Variants in TRMO observed in about 807,000 individuals in gnomAD.
The protein encoded by TRMO is tRNA methyltransferase O, also known as tRNA (adenine(37)-N6)-methyltransferase.
A neutral mutation model predicts 37.2 loss-of-function variants in TRMO; 30 were observed. The ratio of observed to expected loss-of-function variants is 0.81; its 90% CI spans 0.60 to 1.09. The LOEUF (loss-of-function observed/expected upper bound fraction) is 1.09, where lower values mean the gene tolerates loss of function less well. Ranked by LOEUF, TRMO falls within the 50% of genes least tolerant of loss-of-function variation. TRMO has a pLI of 0.00. For synonymous variants in TRMO, 239 were observed against 199.4 expected (o/e 1.20, Z -1.67); for missense variants, 552 against 549.5 (o/e 1.00, Z -0.05).
intron 1 of TRMO, among the ~76,000 whole-genome samples, chr9:97,917,180 G>A (rs927841884): frequency 6.6e-6 from 1 of 152,190 alleles, no homozygotes; most frequent in Non-Finnish European, 1.5e-5. Flanking sequence ...ATTTTGATTG[G>A]CTGGAGTATG....
chr9:97,920,981 T>C (rs1224483172), intron 1 of TRMO, among the ~76,000 whole-genome samples: 2 of 152,258 alleles, frequency 1.3e-5, no homozygotes, highest in African/African-American at 4.8e-5. Context: ...CACTTTAGAC[T>C]TCTAGCTCCC....
At chr9:97,901,578 G>A (rs1831170123), downstream of TRMO, among the ~76,000 whole-genome samples, 4 of 152,158 alleles carry the variant, frequency 2.6e-5, no homozygotes, top group South Asian at 6.2e-4. Flanking sequence ...ATGCGTGTGT[G>A]TACATGCACG....
downstream of TRMO, among the ~76,000 whole-genome samples, chr9:97,899,937 C>G (rs981243983): frequency 6.6e-6 from 1 of 151,928 alleles, no homozygotes; most frequent in African/African-American, 2.4e-5. Context: ...GGCATGGTGG[C>G]AAACAGTTAC....
chr9:97,896,991 C>A, the TRMO span, among the ~76,000 whole-genome samples: 1 of 152,166 alleles, frequency 6.6e-6, no homozygotes, highest in Non-Finnish European at 1.5e-5. Flanking sequence ...CCCAGAGAAC[C>A]CACCCCAAGG....
chr9:97,902,178 C>A (rs962675525), downstream of TRMO, among the ~76,000 whole-genome samples: 1 of 152,196 alleles, frequency 6.6e-6, no homozygotes, highest in African/African-American at 2.4e-5. Flanking sequence ...GAATAAGCTG[C>A]ACAGGTCAGG....
intron 2 of TRMO, among the ~76,000 whole-genome samples, chr9:97,915,039 A>G (rs1187221452): frequency 6.6e-6 from 1 of 152,214 alleles, no homozygotes; most frequent in Admixed American, 6.5e-5. Flanking sequence ...TTTTCTTTCT[A>G]ATCTACTCTT....
intron 4 of TRMO, among the ~76,000 whole-genome samples, chr9:97,908,349 T>C (rs1021969094): frequency 6.7e-6 from 1 of 149,700 alleles, no homozygotes; most frequent in Non-Finnish European, 1.5e-5. Flanking sequence ...GAGGCGGAGC[T>C]TGCAGTGAGC....
intron 1 of TRMO, 49 bp downstream of exon 1, chr9:97,922,369 C>G (rs1483781233): frequency 2.3e-6 from 3 of 1,313,776 alleles, no homozygotes; most frequent in Non-Finnish European, 3.2e-6. Context: ...AGTCCGCTGC[C>G]TGGGCCTAAA....
chr9:97,906,836 C>T (rs1208284498), intron 4 of TRMO, among the ~76,000 whole-genome samples: 2 of 80,630 alleles, frequency 2.5e-5, no homozygotes, highest in Admixed American at 1.3e-4. Flanking sequence ...AGTAAGACTC[C>T]GTCTCAAAAA....
In TRMO at chr9:97,904,967, A is replaced by G. The variant is rs372836884; in HGVS notation, c.1092T>C (p.Tyr364=). 1.9e-6 allele frequency: 3 copies of G among 1,613,822 alleles called. No homozygotes were observed. Among genetic ancestry groups the G allele is most frequent in the Non-Finnish European group, 2.5e-6 (3 of 1,179,688 alleles). Residue 364 remains tyrosine (Y), a synonymous_variant, in exon 5 of 5, where the codon TAT becomes TAC. Transcript: ENST00000375119. ...GCTTTGCTTCCTCTGCTGACTGAAA[A>G]TATTTAAATGACGCCTGACCAACAT... is the stretch of plus-strand genomic sequence containing the variant. ...SQDVGQASFK[Y]FQSAEEAKRA...
chr9:97,916,338 C>T lies in TRMO; in HGVS notation c.77G>A (p.Gly26Glu). The part of the protein sequence containing the change: ...CGCVKPALET[G>E]NLLTEPVGYL... ...GCCGACTGGCTCAGTTAAAAGATTCCCTACAGGAGAAAATTAGGTAAAAAG... is the reference window on the plus strand; with the variant it reads ...GCCGACTGGCTCAGTTAAAAGATTCTCTACAGGAGAAAATTAGGTAAAAAG... Residue 26 changes from glycine to glutamate, a missense_variant and splice_region_variant, in exon 2 of 5, where the codon GGG becomes GAG. Coordinates refer to ENST00000375119, the MANE Select transcript of TRMO (RefSeq NM_016481.5). The T allele has an allele frequency of 6.3e-7, 1 of 1,594,456 alleles. No individual in the cohort carries two copies. Among genetic ancestry groups the T allele is most frequent in the Non-Finnish European group, 8.5e-7 (1 of 1,172,512 alleles).
chr9:97,906,594 A>G (rs2131515013), intron 4 of TRMO, among the ~76,000 whole-genome samples: 1 of 152,324 alleles, frequency 6.6e-6, no homozygotes, highest in Admixed American at 6.5e-5. Flanking sequence ...TTTTGTAGTT[A>G]CACTGCGTAA....
chr9:97,919,568 T>C (rs1826531273), intron 1 of TRMO, among the ~76,000 whole-genome samples: 1 of 152,216 alleles, frequency 6.6e-6, no homozygotes, highest in Non-Finnish European at 1.5e-5. Context: ...AATTTAATAG[T>C]TGAGGAGACT....
At chr9:97,916,518 A>G (rs1826369908) in intron 1 of TRMO, among the ~76,000 whole-genome samples, 180 bp from the exon 2 acceptor site, 1 of 152,148 alleles carries the variant, frequency 6.6e-6, no homozygotes, top group African/African-American at 2.4e-5. Flanking sequence ...ACATACACAC[A>G]CATACACATA....
At chr9:97,898,885 G>C in the TRMO span, among the ~76,000 whole-genome samples, 1 of 121,822 alleles carries the variant, frequency 8.2e-6, no homozygotes, top group East Asian at 2.8e-4. Flanking sequence ...TGTCAGCCAG[G>C]CTGGAGTGCA....
intron 3 of TRMO, chr9:97,910,940 CGGTAG>C (rs919292675): frequency 1.3e-5 from 7 of 520,294 alleles, no homozygotes; most frequent in African/African-American, 1.3e-4. Flanking sequence ...GCTTTCCCCA[CGGTAG>C]GGTAGTGACC....
intron 3 of TRMO, 199 bp from the exon 4 acceptor site, chr9:97,910,815 C>T (rs967318472): frequency 1.6e-6 from 1 of 634,850 alleles, no homozygotes. Context: ...CTCCTACTTG[C>T]TCTTTGAGGC....
intron 1 of TRMO, among the ~76,000 whole-genome samples, chr9:97,917,775 C>T (rs1826437874): frequency 6.6e-6 from 1 of 151,822 alleles, no homozygotes; most frequent in South Asian, 2.1e-4. Flanking sequence ...ACCTCCCAGG[C>T]TCAAGCGACT....
intron 3 of TRMO, chr9:97,912,796 A>T: frequency 1.7e-6 from 1 of 578,362 alleles, no homozygotes; most frequent in Non-Finnish European, 3.0e-6. Flanking sequence ...GTTAGGTCAG[A>T]ATGGAATGCT....
Sources: allele counts gnomAD v4.1 joint callset (sites outside exome capture counted in the v4.1 genomes callset), GRCh38; gene constraint gnomAD v4.1.1; transcripts MANE v1.5; gene names NCBI Gene and HGNC (gene_info 2026-07-23, HGNC 2026-07-21).